PARD3B: variants seen among roughly 807,000 people sequenced by gnomAD.
The protein encoded by PARD3B is par-3 family cell polarity regulator beta.
A neutral mutation model predicts 130.2 loss-of-function variants in PARD3B; 103 were observed. The observed-to-expected ratio is 0.79, with a 90% CI of 0.67 to 0.93. The LOEUF is 0.93. Among genes scored for constraint, PARD3B ranks in the 40% least tolerant of loss-of-function variants. The pLI is 0.00. For missense variants in PARD3B, 1,609 were observed against 1,499.2 expected (o/e 1.07, Z -1.21); for synonymous variants, 583 against 553.2 (o/e 1.05, Z -0.76).
intron 16 of PARD3B, among the ~76,000 whole-genome samples, chr2:205,297,839 T>C (rs1239276531): frequency 6.6e-6 from 1 of 152,176 alleles, no homozygotes; most frequent in Non-Finnish European, 1.5e-5. Context: ...TAGAGTTAGG[T>C]TGTAATATTG....
chr2:204,931,464 T>A (rs1688026594), intron 2 of PARD3B, among the ~76,000 whole-genome samples: 1 of 152,090 alleles, frequency 6.6e-6, no homozygotes, highest in Non-Finnish European at 1.5e-5. Flanking sequence ...AATGATAGTT[T>A]ATTTTAAAAT....
At chr2:205,381,734 C>T (rs963752343) in intron 18 of PARD3B, among the ~76,000 whole-genome samples, 1 of 151,816 alleles carries the variant, frequency 6.6e-6, no homozygotes, top group Non-Finnish European at 1.5e-5. Context: ...AATTAATAAA[C>T]CTATATCTGA....
chr2:204,962,622 G>A (rs888442086), intron 2 of PARD3B, among the ~76,000 whole-genome samples: 6 of 152,146 alleles, frequency 3.9e-5, no homozygotes, highest in African/African-American at 9.7e-5. Flanking sequence ...GTCTGCTACC[G>A]AGGAATGTAG....
chr2:205,185,734 T>A (rs370006217), intron 13 of PARD3B, 30 bp from the exon 14 acceptor site: 2 of 1,595,166 alleles, frequency 1.3e-6, no homozygotes, highest in African/African-American at 2.7e-5. Context: ...GCTTCCACTT[T>A]ATACAGCTTC....
At chr2:204,680,987 C>T (rs941199653) in intron 1 of PARD3B, among the ~76,000 whole-genome samples, 1 of 152,066 alleles carries the variant, frequency 6.6e-6, no homozygotes, top group East Asian at 1.9e-4. Context: ...TTGTGTCAGT[C>T]AGATGATTTA....
In PARD3B at chr2:205,178,143, TAAAAAAAAAAAAAAA is replaced by T. The variant is rs58267787; in HGVS notation, c.1924+1587_1924+1601del. On this transcript the variant is annotated intron_variant, in intron 13 of 22. Transcript: ENST00000406610. ...CAACATGGCAAAATCCCATCTGTAC[TAAAAAAAAAAAAAAA>T]AAAAAAAAAAAAAAAAAAAATTAGT... Among the ~76,000 whole-genome samples, 49 of 20,792 alleles carry T rather than the reference TAAAAAAAAAAAAAAA, an allele frequency of 2.4e-3. No individual in the cohort carries two copies. In the East Asian group the frequency reaches 0.026, roughly 11 times the overall value. The allele number at this position is 20,792 out of a possible 152,430, so 13.6% of individuals were successfully genotyped here.
intron 20 of PARD3B, among the ~76,000 whole-genome samples, chr2:205,448,332 A>G (rs1025363290): frequency 5.3e-5 from 8 of 152,176 alleles, no homozygotes; most frequent in Admixed American, 1.3e-4. Flanking sequence ...TTAATCCTTT[A>G]CACTTATTAA....
intron 2 of PARD3B, among the ~76,000 whole-genome samples, chr2:204,909,014 G>A (rs1383619098): frequency 6.6e-6 from 1 of 152,106 alleles, no homozygotes; most frequent in African/African-American, 2.4e-5. Flanking sequence ...TCCTTCAGCA[G>A]AATTGCTTTT....
intron 16 of PARD3B, among the ~76,000 whole-genome samples, chr2:205,286,812 T>C (rs1006346680): frequency 3.3e-5 from 5 of 152,208 alleles, no homozygotes; most frequent in Admixed American, 6.5e-5. Context: ...ATTTAATTAA[T>C]GTCATTGTAG....
intron 3 of PARD3B, among the ~76,000 whole-genome samples, chr2:205,023,452 CTTTTTTTTTTTTT>C (rs11319827): frequency 1.1e-5 from 1 of 88,732 alleles, no homozygotes; most frequent in Non-Finnish European, 2.2e-5. Context: ...ATGCCCACAC[CTTTTTTTTTTTTT>C]TTTTTTTTGG....
intron 18 of PARD3B, among the ~76,000 whole-genome samples, chr2:205,377,801 G>A (rs549886665): frequency 1.6e-4 from 19 of 121,968 alleles, no homozygotes; most frequent in Admixed American, 5.9e-4. Context: ...ACAGGGTTTC[G>A]CTCTTGTTCC....
chr2:205,509,985 A>G (rs1359630505), intron 21 of PARD3B, among the ~76,000 whole-genome samples: 2 of 152,182 alleles, frequency 1.3e-5, no homozygotes, highest in East Asian at 3.9e-4. Context: ...ACTCCTGTCC[A>G]CTCATCCTGT....
At chr2:205,499,203 T>C (rs1411650060) in intron 20 of PARD3B, among the ~76,000 whole-genome samples, 4 of 151,972 alleles carry the variant, frequency 2.6e-5, no homozygotes, top group Non-Finnish European at 5.9e-5. Flanking sequence ...CAGTTTGGGG[T>C]TGGGCAGATG....
chr2:204,751,847 G>C lies in PARD3B; in HGVS notation c.222+65565G>C, dbSNP rs142182437. On this transcript the variant is annotated intron_variant, in intron 2 of 22. Transcript: ENST00000406610. ...AAAGTATCTTAATCACATTATCCCT[G>C]AAGAAATGTAATCACTGACTTAAAA... Among the ~76,000 whole-genome samples the C allele has an allele frequency of 8.3e-3, 1,259 of 152,252 alleles. 19 individuals carry two copies. The highest frequency in any genetic ancestry group is 0.029 in the African/African-American group (1,199 of 41,560).
chr2:204,832,250 CA>C (rs570368775), intron 2 of PARD3B, among the ~76,000 whole-genome samples: 161 of 145,694 alleles, frequency 1.1e-3, no homozygotes, highest in Non-Finnish European at 1.6e-3. Context: ...CAAACAAAAA[CA>C]AAAAAAAAAG....
chr2:205,618,933 A>C lies in PARD3B; in HGVS notation c.*3120A>C, dbSNP rs1406030527. ...CTAATAGCAAACAAAAATTGAAAAA[A>C]CAATTATTCTGAAGCTCATTATTCT... On this transcript the variant is annotated 3_prime_UTR_variant, in exon 23 of 23. Coordinates refer to ENST00000406610, the MANE Select transcript of PARD3B (RefSeq NM_001302769.2). The C allele has an allele frequency of 6.6e-6, 1 of 152,184 alleles. No individual in the cohort carries two copies. The highest frequency in any genetic ancestry group is 2.4e-5 in the African/African-American group (1 of 41,438). The allele number at this position is 152,184 out of a possible 1,614,324, so 9.4% of individuals were successfully genotyped here. A position where few individuals can be genotyped will look rare whatever the true frequency, so the allele number is the denominator to read the frequency against.
rs1688679300 is a variant in PARD3B at position 204,938,985 on chromosome 2, A to G, written c.223-26167A>G. ...AAATACAAAACATCACAGCTCCAGG[A>G]CTATTCCATATTTATATGGCTGGAT... On this transcript the variant is annotated intron_variant, in intron 2 of 22. Transcript: ENST00000406610. Among the ~76,000 whole-genome samples the G allele has an allele frequency of 3.3e-5, 5 of 152,198 alleles. No homozygotes were observed. The South Asian group carries it at 1.0e-3, about 32-fold the overall frequency.
chr2:205,219,500 AGAT>A (rs1461355253), intron 15 of PARD3B, among the ~76,000 whole-genome samples: 2 of 152,236 alleles, frequency 1.3e-5, no homozygotes, highest in Non-Finnish European at 2.9e-5. Flanking sequence ...CATATTAAAC[AGAT>A]GATAGTAGAT....
chr2:204,676,265 T>TAAAA (rs2036539088), intron 1 of PARD3B, among the ~76,000 whole-genome samples: 3 of 152,102 alleles, frequency 2.0e-5, no homozygotes, highest in Non-Finnish European at 4.4e-5. Context: ...ACCTTGGAGA[T>TAAAA]GAAAGACCTT....
Sources: allele counts gnomAD v4.1 joint callset (sites outside exome capture counted in the v4.1 genomes callset), GRCh38; gene constraint gnomAD v4.1.1; transcripts MANE v1.5; gene names NCBI Gene and HGNC (gene_info 2026-07-23, HGNC 2026-07-21).